OXR1: variants seen among roughly 807,000 people sequenced by gnomAD.
OXR1 encodes the protein oxidation resistance 1.
A neutral mutation model predicts 104.6 loss-of-function variants in OXR1; 41 were observed. That is an observed-to-expected ratio of 0.39 (90% CI 0.31 to 0.51). OXR1 has a LOEUF of 0.51. Among genes scored for constraint, OXR1 ranks in the 20% least tolerant of loss-of-function variants. The pLI is 0.77. For synonymous variants in OXR1, 348 were observed against 348.4 expected, an observed-to-expected ratio of 1.00 and a Z score of 0.01; for missense variants, 955 against 1,031.9, an observed-to-expected ratio of 0.93 and a Z score of 1.02.
intron 3 of OXR1, among the ~76,000 whole-genome samples, chr8:106,549,679 G>A (rs1815652256): frequency 6.6e-6 from 1 of 152,148 alleles, no homozygotes; most frequent in South Asian, 2.1e-4. Context: ...TCTGGTGAGG[G>A]CTGCTTCCTG....
intron 2 of OXR1, among the ~76,000 whole-genome samples, chr8:106,456,785 A>G (rs1820619012): frequency 6.6e-6 from 1 of 152,186 alleles, no homozygotes; most frequent in African/African-American, 2.4e-5. Flanking sequence ...ATTAAGTCCC[A>G]TGTCAACCAA....
chr8:106,597,303 C>A (rs1482946467), intron 3 of OXR1, among the ~76,000 whole-genome samples: 7 of 152,102 alleles, frequency 4.6e-5, no homozygotes, highest in African/African-American at 1.7e-4. Context: ...GACCCCGTCA[C>A]TCCTGTGAAG....
intron 1 of OXR1, among the ~76,000 whole-genome samples, chr8:106,326,757 G>A (rs908340065): frequency 6.6e-6 from 1 of 152,164 alleles, no homozygotes; most frequent in African/African-American, 2.4e-5. Flanking sequence ...AAGGAGGCCA[G>A]TTTGATTGGT....
At chr8:106,477,277 G>A (rs540396494) in intron 2 of OXR1, among the ~76,000 whole-genome samples, 2 of 152,062 alleles carry the variant, frequency 1.3e-5, no homozygotes, top group South Asian at 4.2e-4. Flanking sequence ...TTACTGGAGA[G>A]ACAGACTGCT....
intron 1 of OXR1, among the ~76,000 whole-genome samples, chr8:106,302,113 G>A (rs915970164): frequency 2.6e-5 from 4 of 152,134 alleles, no homozygotes; most frequent in African/African-American, 9.7e-5. Context: ...TTTATAAAGA[G>A]TTCATGGCCA....
At position 106,684,301 on chromosome 8, in the gene OXR1, T is replaced by C. The variant is rs1828476820; in HGVS notation, c.467T>C (p.Leu156Pro). Residue 156 changes from leucine to proline, a missense_variant, in exon 6 of 17, where the codon CTA becomes CCA. Physicochemically the swap from Leu to Pro is moderately conservative, Grantham distance 98. Around this residue, in one of 2 missense-constraint regions of OXR1, gnomAD observed 849 missense variants for 852.9 expected, o/e 1.00. Coordinates refer to ENST00000517566, the MANE Select transcript of OXR1 (RefSeq NM_001198533.2). ...TCCAGTGTTGAGAGCTCTCCATCTCTAAGCCCCGTAAGTCCTCTGTCACCA... is the reference window on the plus strand; with the variant it reads ...TCCAGTGTTGAGAGCTCTCCATCTCCAAGCCCCGTAAGTCCTCTGTCACCA... ...YVSSVESSPSLSPVSPLSPTS... is the reference protein window; with the variant it reads ...YVSSVESSPSPSPVSPLSPTS... 1.2e-6 allele frequency: 2 copies of C among 1,610,786 alleles called. No individual in the cohort carries two copies. Among genetic ancestry groups the C allele is most frequent in the Middle Eastern group, 1.7e-4 (1 of 6,052 alleles).
At chr8:106,547,276 T>G (rs187931412) in intron 3 of OXR1, among the ~76,000 whole-genome samples, 1 of 152,186 alleles carries the variant, frequency 6.6e-6, no homozygotes, top group African/African-American at 2.4e-5. Context: ...TCTTGCAAAA[T>G]TGAAACTTTG....
chr8:106,675,230 A>G (rs953532226), intron 3 of OXR1, among the ~76,000 whole-genome samples: 2 of 152,180 alleles, frequency 1.3e-5, no homozygotes, highest in Non-Finnish European at 2.9e-5. Context: ...AGATATTAAC[A>G]ACCTCCATTG....
chr8:106,418,603 A>G (rs1317350048), intron 2 of OXR1, among the ~76,000 whole-genome samples: 1 of 152,112 alleles, frequency 6.6e-6, no homozygotes, highest in Non-Finnish European at 1.5e-5. Context: ...TATCCTTGCT[A>G]TGGAACATAA....
intron 7 of OXR1, among the ~76,000 whole-genome samples, chr8:106,696,804 A>C (rs1307276125): frequency 7.9e-5 from 12 of 152,146 alleles, no homozygotes; most frequent in Non-Finnish European, 1.5e-5. Flanking sequence ...CATGGTAGGC[A>C]GCCCTCCCTC....
chr8:106,618,829 C>T (rs1178053048), intron 3 of OXR1, among the ~76,000 whole-genome samples: 1 of 152,020 alleles, frequency 6.6e-6, no homozygotes, highest in Non-Finnish European at 1.5e-5. Context: ...GTTACATTCT[C>T]TAGGCTCCAG....
At chr8:106,477,450 C>T (rs1238600615) in intron 2 of OXR1, among the ~76,000 whole-genome samples, 1 of 151,910 alleles carries the variant, frequency 6.6e-6, no homozygotes, top group Non-Finnish European at 1.5e-5. Context: ...TTGAATACTG[C>T]ATCTTTATGT....
intron 1 of OXR1, among the ~76,000 whole-genome samples, chr8:106,298,249 T>G (rs7830214): frequency 2.6e-5 from 4 of 152,164 alleles, no homozygotes; most frequent in African/African-American, 9.7e-5. Context: ...AGAGGTTTAA[T>G]GGACTCACAG....
At chr8:106,276,890 A>G (rs1278282255) in intron 1 of OXR1, among the ~76,000 whole-genome samples, 3 of 152,168 alleles carry the variant, frequency 2.0e-5, no homozygotes, top group African/African-American at 7.2e-5. Flanking sequence ...CTTTAGGTAA[A>G]GATTTCTAAA....
chr8:106,732,773 A>G (rs1481216536), intron 11 of OXR1, among the ~76,000 whole-genome samples: 1 of 152,094 alleles, frequency 6.6e-6, no homozygotes, highest in African/African-American at 2.4e-5. Flanking sequence ...ACATTGCTCA[A>G]TTCAGTTTGC....
intron 2 of OXR1, among the ~76,000 whole-genome samples, chr8:106,408,563 A>G (rs2130499422): frequency 6.6e-6 from 1 of 152,344 alleles, no homozygotes; most frequent in Non-Finnish European, 1.5e-5. Flanking sequence ...TTCCAATAAG[A>G]GCAAACTAAT....
chr8:106,537,623 T>C (rs1814640077), intron 3 of OXR1, among the ~76,000 whole-genome samples: 1 of 152,116 alleles, frequency 6.6e-6, no homozygotes, highest in Non-Finnish European at 1.5e-5. Context: ...ATGGCACATG[T>C]ATACCTATGT....
chr8:106,453,084 A>C (rs1820410774), intron 2 of OXR1, among the ~76,000 whole-genome samples: 1 of 152,168 alleles, frequency 6.6e-6, no homozygotes, highest in South Asian at 2.1e-4. Flanking sequence ...AGAAGAATGT[A>C]CAATGACTTC....
At chr8:106,620,940 G>A (rs1019638517) in intron 3 of OXR1, among the ~76,000 whole-genome samples, 3 of 152,126 alleles carry the variant, frequency 2.0e-5, no homozygotes, top group Non-Finnish European at 4.4e-5. Context: ...AAATGTGTGA[G>A]TAGAAAGTTA....
Sources: gnomAD v4.1 joint callset for allele counts (sites outside exome capture counted in the v4.1 genomes callset) on GRCh38, gnomAD v4.1.1 for gene constraint, gnomAD v4.1.1 regional missense constraint, MANE v1.5 for transcripts, NCBI Gene and HGNC (gene_info 2026-07-23, HGNC 2026-07-21) for gene names.